Variants in LAMB2 observed in about 807,000 individuals in gnomAD.
LAMB2 encodes the protein laminin subunit beta 2.
LAMB2 carries 119 observed loss-of-function variants against 202.7 expected under a neutral mutation model. The ratio of observed to expected loss-of-function variants is 0.59; its 90% CI spans 0.51 to 0.68. The LOEUF is 0.68. Among genes scored for constraint, LAMB2 ranks in the 30% least tolerant of loss-of-function variants. LAMB2 has a pLI of 0.00. For synonymous variants in LAMB2, 818 were observed against 902.2 expected (o/e 0.91, Z 1.67); for missense variants, 2,124 against 2,410.6 (o/e 0.88, Z 2.49).
In LAMB2 at chr3:49,126,436, T is replaced by G; in HGVS notation, c.2080A>C (p.Lys694Gln). ...EPGISYKLHL[K>Q]LVRTGGSAQP... ...GCACTTCCCCCTGTCCGTACCAGCTTCAGATGCAGCTTGTAGGAGATACCA... is the reference window on the plus strand; with the variant it reads ...GCACTTCCCCCTGTCCGTACCAGCTGCAGATGCAGCTTGTAGGAGATACCA... The change falls in exon 16 of 32, where the codon AAG (lysine) becomes CAG (glutamine). Residue 694 changes from lysine to glutamine, a missense_variant. Transcript: ENST00000305544. 1 of 1,614,108 alleles carries G rather than the reference T, an allele frequency of 6.2e-7. No homozygotes were observed. The highest frequency in any genetic ancestry group is 8.5e-7 in the Non-Finnish European group (1 of 1,179,994).
rs750538204 is a variant in LAMB2 at position 49,128,541 on chromosome 3, T to TG, written c.1934dup (p.Gly646ArgfsTer17). On this transcript the variant is annotated frameshift_variant, in exon 15 of 32. Transcript: ENST00000305544. LOFTEE classifies it high-confidence loss of function. Reference sequence around the variant, plus strand: ...ACAGGCTGTGGGCAGGCACAGGCCCTGGACGCTGCACAATCAGTTCCAACT... The same window carrying TG: ...ACAGGCTGTGGGCAGGCACAGGCCCTGGGACGCTGCACAATCAGTTCCAACT... 1.2e-5 allele frequency: 19 copies of TG among 1,614,100 alleles called. No individual in the cohort carries two copies. The highest frequency in any genetic ancestry group is 1.5e-5 in the Non-Finnish European group (18 of 1,180,050).
rs750720031 is a variant in LAMB2, at chr3:49,130,798, A to G, written c.978T>C (p.Asp326=). 5.0e-6 allele frequency: 8 copies of G among 1,614,176 alleles called. No homozygotes were observed. The East Asian group carries it at 1.8e-4, about 36-fold the overall frequency. The change falls in exon 8 of 32, where the codon GAT becomes GAC. Residue 326 remains aspartate, a synonymous_variant. Transcript: ENST00000305544. The surrounding 1 kb of genome is among the most constrained non-coding windows in gnomAD (Gnocchi z 5.0). ...GACGCCAGGGCAGGTCACGATAGAA[A>G]TCCTGACACTGCTCGCAGTTGAGGC... ...TRGLNCEQCQ[D]FYRDLPWRPA... is the part of the protein sequence containing the mutation.
Position 49,121,333 on chromosome 3 carries a change from G to C in LAMB2, c.5290C>G (p.Arg1764Gly), listed in dbSNP as rs1231737650. 1 of 1,614,008 alleles carries C rather than the reference G, an allele frequency of 6.2e-7. No individual in the cohort carries two copies. The highest frequency in any genetic ancestry group is 2.2e-5 in the East Asian group (1 of 44,884). Residue 1764 changes from arginine (R) to glycine (G), a missense_variant, in exon 32 of 32, where the codon CGG becomes GGG. Physicochemically the swap from Arg to Gly is moderately radical, Grantham distance 125 (BLOSUM62 -2). Coordinates refer to ENST00000305544, the MANE Select transcript of LAMB2 (RefSeq NM_002292.4). ...ELEGTYEENE[R>G]ALESKAAQLD... ...TGGGCTGCCTTACTCTCCAGTGCCC[G>C]CTCATTTTCCTCATAGGTGCCTTCC... is the stretch of plus-strand genomic sequence containing the variant.
rs144530798 is a variant in LAMB2, at chr3:49,129,939, G to A, written c.1305C>T (p.Ser435=). 3.2e-4 allele frequency: 511 copies of A among 1,613,908 alleles called. No individual in the cohort carries two copies. Among genetic ancestry groups the A allele is most frequent in the Admixed American group, 5.2e-4 (31 of 60,016 alleles). Residue 435 remains serine (S), a synonymous_variant, in exon 10 of 32, where the codon TCC becomes TCT. Transcript: ENST00000305544. The surrounding 1 kb of genome is among the most constrained non-coding windows in gnomAD (Gnocchi z 6.1). ...SHDDPALGLV[S]GQCRCKEHVV... ...CATGTTCTTTGCAGCGACACTGGCCGGAGACCAGTCCCAGTGCAGGGTCAT... is the reference window on the plus strand; with the variant it reads ...CATGTTCTTTGCAGCGACACTGGCCAGAGACCAGTCCCAGTGCAGGGTCAT...
chr3:49,122,404 A>G, intron 27 of LAMB2, 34 bp from the exon 28 acceptor site: 4 of 1,588,602 alleles, frequency 2.5e-6, no homozygotes, highest in Non-Finnish European at 3.5e-6. Flanking sequence ...AAGAACATAG[A>G]TTCTCCAGCA....
Position 49,121,322 on chromosome 3 carries a change from C to T in LAMB2, c.5301G>A (p.Glu1767=), listed in dbSNP as rs2045222604. 5 of 1,613,808 alleles carry T rather than the reference C, an allele frequency of 3.1e-6. No individual in the cohort carries two copies. Among genetic ancestry groups the T allele is most frequent in the South Asian group, 2.2e-5 (2 of 91,074 alleles). Residue 1767 remains glutamate (E), a synonymous_variant, in exon 32 of 32, where the codon GAG becomes GAA. Coordinates refer to ENST00000305544, the MANE Select transcript of LAMB2 (RefSeq NM_002292.4). ...ACCCGTCCAACTGGGCTGCCTTACT[C>T]TCCAGTGCCCGCTCATTTTCCTCAT... The part of the protein sequence containing the change: ...GTYEENERAL[E]SKAAQLDGLE...
Position 49,123,860 on chromosome 3 carries a change from C to A in LAMB2, c.3665G>T (p.Gly1222Val), listed in dbSNP as rs1374765569. The change falls in exon 24 of 32, where the codon GGT becomes GTT. Residue 1222 changes from glycine to valine, a missense_variant. By Grantham distance (109) the Gly-to-Val change is moderately radical (BLOSUM62 -3). This residue lies in a region of LAMB2 where 1,702 missense variants were observed against 1,896.3 expected (regional missense o/e 0.90). Coordinates refer to ENST00000305544, the MANE Select transcript of LAMB2 (RefSeq NM_002292.4). The stretch of plus-strand genomic sequence containing the variant: ...GCTGCTCTCAAAGGCACCCAGCACA[C>A]CCGTCTGTTGCAACTCCTGCGCCCG... ...EQRAQELQQT[G>V]VLGAFESSFW... 2.5e-5 allele frequency: 40 copies of A among 1,613,334 alleles called. No homozygotes were observed. Among genetic ancestry groups the A allele is most frequent in the Non-Finnish European group, 3.4e-5 (40 of 1,179,956 alleles).
chr3:49,126,602 A>G, intron 15 of LAMB2, 105 bp from the exon 16 acceptor site: 1 of 1,483,744 alleles, frequency 6.7e-7, no homozygotes, highest in Non-Finnish European at 9.3e-7. Flanking sequence ...TGGCCAAAGC[A>G]GAGACTATGG....
Position 49,123,634 on chromosome 3 carries a change from G to A in LAMB2, c.3798-3C>T, listed in dbSNP as rs905404422. The A allele has an allele frequency of 6.2e-7, 1 of 1,614,114 alleles. No individual in the cohort carries two copies. Among genetic ancestry groups the A allele is most frequent in the Non-Finnish European group, 8.5e-7 (1 of 1,180,044 alleles). ...CAGTGGCCTCCCCAATTTCACGCCT[G>A]CAATGATGGAGAGGGGGGTGTTTAG... is the stretch of plus-strand genomic sequence containing the variant. On this transcript the variant is annotated splice_region_variant and splice_polypyrimidine_tract_variant and intron_variant, in intron 24 of 31. Transcript: ENST00000305544.
Position 49,129,946 on chromosome 3 carries a change from A to C in LAMB2, c.1298T>G (p.Leu433Arg). Residue 433 changes from leucine (L) to arginine (R), a missense_variant, in exon 10 of 32, where the codon CTG becomes CGG. Transcript: ENST00000305544. This position sits in a 1 kb window ranked among gnomAD's most constrained non-coding sequence, Gnocchi z 6.1. Reference protein sequence around the residue: ...CDSHDDPALGLVSGQCRCKEH... With the variant: ...CDSHDDPALGRVSGQCRCKEH... Reference sequence around the variant, plus strand: ...TTTGCAGCGACACTGGCCGGAGACCAGTCCCAGTGCAGGGTCATCATGGGA... The same window carrying C: ...TTTGCAGCGACACTGGCCGGAGACCCGTCCCAGTGCAGGGTCATCATGGGA... 1 of 1,614,076 alleles carries C rather than the reference A, an allele frequency of 6.2e-7. No homozygotes were observed. Among genetic ancestry groups the C allele is most frequent in the Non-Finnish European group, 8.5e-7 (1 of 1,180,008 alleles).
rs2045451150 is a variant in LAMB2 at position 49,128,934 on chromosome 3, A to C, written c.1731+86T>G. On this transcript the variant is annotated intron_variant, in intron 13 of 31. Coordinates refer to ENST00000305544, the MANE Select transcript of LAMB2 (RefSeq NM_002292.4). The stretch of plus-strand genomic sequence containing the variant: ...AGCTAGATATCACCCCTATCCCCTC[A>C]ACAAGGTACTGCCCATAACCCCACC... 6 of 1,600,174 alleles carry C rather than the reference A, an allele frequency of 3.7e-6. No individual in the cohort carries two copies. The South Asian group carries it at 6.6e-5, about 18-fold the overall frequency.
Position 49,132,879 on chromosome 3 carries a change from G to C in LAMB2, c.-12C>G, listed in dbSNP as rs768032929. ...GAGGTCAGCTCCATCCTGAAGAGGG[G>C]AACAGGGATAAGGGGAGGTGAACGG... On this transcript the variant is annotated 5_prime_UTR_variant, in exon 1 of 32. Transcript: ENST00000305544. The surrounding 1 kb of genome is among the most constrained non-coding windows in gnomAD (Gnocchi z 4.6). 6.2e-7 allele frequency: 1 copy of C among 1,613,244 alleles called. No homozygotes were observed. Among genetic ancestry groups the C allele is most frequent in the South Asian group, 1.1e-5 (1 of 91,064 alleles).
chr3:49,123,324 T>C lies in LAMB2; in HGVS notation c.4032A>G (p.Glu1344=). 1 of 1,614,114 alleles carries C rather than the reference T, an allele frequency of 6.2e-7. No individual in the cohort carries two copies. The highest frequency in any genetic ancestry group is 8.5e-7 in the Non-Finnish European group (1 of 1,180,030). The change falls in exon 26 of 32, where the codon GAA becomes GAG. Residue 1344 remains glutamate, a synonymous_variant. Coordinates refer to ENST00000305544, the MANE Select transcript of LAMB2 (RefSeq NM_002292.4). ...CCAGGGCTGAGGTATTGGCACGACG[T>C]TCTGCCTCTGCAGACTGGCTATGGG... is the stretch of plus-strand genomic sequence containing the variant. The part of the protein sequence containing the change: ...RHAHSQSAEA[E]RRANTSALAV...
At position 49,129,691 on chromosome 3, in the gene LAMB2, TGTGCCCC is replaced by T; in HGVS notation, c.1424_1430del (p.Arg475GlnfsTer20). 1 of 1,613,996 alleles carries T rather than the reference TGTGCCCC, an allele frequency of 6.2e-7. No individual in the cohort carries two copies. Among genetic ancestry groups the T allele is most frequent in the Non-Finnish European group, 8.5e-7 (1 of 1,179,894 alleles). ...GGTCACAAGGAGTGCTCCCAGGCACTGTGCCCCGTGCATTACATTGACATCCTGCAGG... is the reference window on the plus strand; with the variant it reads ...GGTCACAAGGAGTGCTCCCAGGCACTGTGCATTACATTGACATCCTGCAGG... On this transcript the variant is annotated frameshift_variant, in exon 11 of 32. Transcript: ENST00000305544. LOFTEE classifies it high-confidence loss of function. The surrounding 1 kb of genome is among the most constrained non-coding windows in gnomAD (Gnocchi z 6.1).
Position 49,123,955 on chromosome 3 carries a change from G to T in LAMB2, c.3570C>A (p.Cys1190Ter), listed in dbSNP as rs1006697924. The change falls in exon 24 of 32, where the codon TGC becomes TGA. Residue 1190 changes from cysteine to a stop codon, truncating the protein, a stop_gained. Transcript: ENST00000305544. LOFTEE classifies it high-confidence loss of function. The part of the protein sequence containing the change: ...FSGIFPACHP[C>*]HACFGDWDRV... ...GGTCCCAATCCCCGAAGCATGCATG[G>T]CAGGGATGGCAGGCAGGAAAGATTC... 6.2e-7 allele frequency: 1 copy of T among 1,613,268 alleles called. No homozygotes were observed. The highest frequency in any genetic ancestry group is 8.5e-7 in the Non-Finnish European group (1 of 1,180,052).
chr3:49,128,448 G>T lies in LAMB2; in HGVS notation c.2018+10C>A, dbSNP rs2107642076. Reference sequence around the variant, plus strand: ...CCTGCCATTGTGAGTGCTACCACCAGTGCCCTCACCTGGCATGTGGTTGCA... The same window carrying T: ...CCTGCCATTGTGAGTGCTACCACCATTGCCCTCACCTGGCATGTGGTTGCA... On this transcript the variant is annotated intron_variant, in intron 15 of 31. Transcript: ENST00000305544. 1 of 1,613,376 alleles carries T rather than the reference G, an allele frequency of 6.2e-7. No individual in the cohort carries two copies. Among genetic ancestry groups the T allele is most frequent in the East Asian group, 2.2e-5 (1 of 44,884 alleles).
chr3:49,121,978 G>GC lies in LAMB2; in HGVS notation c.4888dup (p.Ala1630GlyfsTer2). 6.2e-7 allele frequency: 1 copy of GC among 1,613,964 alleles called. No individual in the cohort carries two copies. Among genetic ancestry groups the GC allele is most frequent in the Non-Finnish European group, 8.5e-7 (1 of 1,180,030 alleles). ...GGTCTGCTCTGTGTCCCGTGTGTCA[G>GC]CCACTGCCCCCCGGATGGCACCCTG... is the stretch of plus-strand genomic sequence containing the variant. On this transcript the variant is annotated frameshift_variant, in exon 29 of 32. Coordinates refer to ENST00000305544, the MANE Select transcript of LAMB2 (RefSeq NM_002292.4). LOFTEE classifies it high-confidence loss of function.
Position 49,122,859 on chromosome 3 carries a change from A to T in LAMB2, c.4418T>A (p.Ile1473Asn). Residue 1473 changes from isoleucine (I) to asparagine (N), a missense_variant, in exon 27 of 32, where the codon ATC (isoleucine) becomes AAC (asparagine). By Grantham distance (149) the Ile-to-Asn change is moderately radical. Around this residue, in one of 3 missense-constraint regions of LAMB2, gnomAD observed 1,702 missense variants for 1,896.3 expected, o/e 0.90. Coordinates refer to ENST00000305544, the MANE Select transcript of LAMB2 (RefSeq NM_002292.4). Reference sequence around the variant, plus strand: ...ACGAGTCTCAGCCACTCTGCTGAGGATGCTACCACCTTCTGCCAGTGCCCG... The same window carrying T: ...ACGAGTCTCAGCCACTCTGCTGAGGTTGCTACCACCTTCTGCCAGTGCCCG... ...LQRALAEGGS[I>N]LSRVAETRRQ... 6.2e-7 allele frequency: 1 copy of T among 1,609,662 alleles called. No homozygotes were observed. Among genetic ancestry groups the T allele is most frequent in the South Asian group, 1.1e-5 (1 of 90,738 alleles).
chr3:49,124,855 C>T lies in LAMB2; in HGVS notation c.2955G>A (p.Leu985=). The T allele has an allele frequency of 6.2e-7, 1 of 1,614,162 alleles. No individual in the cohort carries two copies. Among genetic ancestry groups the T allele is most frequent in the Non-Finnish European group, 8.5e-7 (1 of 1,180,032 alleles). The stretch of plus-strand genomic sequence containing the variant: ...GGTCAATGTTCCCACTGCACTCACA[C>T]AGTTGGCACCGGCCACCTGGCCTTG... ...DPSRPGGRCQ[L]CECSGNIDPM... is the part of the protein sequence containing the mutation. The change falls in exon 21 of 32, where the codon CTG becomes CTA. Residue 985 remains leucine (L), a synonymous_variant. Transcript: ENST00000305544.
Sources: gnomAD v4.1 joint callset for allele counts on GRCh38, gnomAD v4.1.1 for gene constraint, gnomAD v4.1.1 regional missense constraint, Gnocchi (gnomAD v3.1) non-coding constraint, MANE v1.5 for transcripts, NCBI Gene and HGNC (gene_info 2026-07-23, HGNC 2026-07-21) for gene names.